The following RALGPS2 variants were observed in gnomAD, a reference collection of about 807,000 sequenced individuals.
RALGPS2 encodes Ral GEF with PH domain and SH3 binding motif 2.
In RALGPS2, 43 loss-of-function variants were observed where a neutral mutation model predicts 86.8. The observed-to-expected ratio is 0.50, with a 90% CI of 0.39 to 0.64. The LOEUF is 0.64. Among genes scored for constraint, RALGPS2 ranks in the 30% least tolerant of loss-of-function variants. The pLI, the probability that RALGPS2 is intolerant of heterozygous loss-of-function variation, is 0.00. For missense variants in RALGPS2, 536 were observed against 694.6 expected (o/e 0.77, Z 2.57); for synonymous variants, 243 against 231.3 (o/e 1.05, Z -0.46).
intron 4 of RALGPS2, among the ~76,000 whole-genome samples, chr1:178,788,823 CTTTTGT>C (rs1229146450): frequency 2.3e-5 from 3 of 128,378 alleles, no homozygotes; most frequent in Admixed American, 1.7e-4. Flanking sequence ...CTTTTCTTTT[CTTTTGT>C]TTTCTTTCTT....
intron 1 of RALGPS2, among the ~76,000 whole-genome samples, chr1:178,745,876 C>T (rs1651297435): frequency 7.6e-6 from 1 of 131,164 alleles, no homozygotes; most frequent in Admixed American, 9.3e-5. Context: ...AGGCTGGAGG[C>T]AGTGGTGTGA....
At position 178,797,656 on chromosome 1, in the gene RALGPS2, C is replaced by A. The variant is rs564721930; in HGVS notation, c.214-10389C>A. Among the ~76,000 whole-genome samples, 460 of 152,198 alleles carry A rather than the reference C, an allele frequency of 3.0e-3. 1 individual carries two copies. The highest frequency in any genetic ancestry group is 0.011 in the African/African-American group (454 of 41,536). On this transcript the variant is annotated intron_variant, in intron 4 of 19. Transcript: ENST00000367635. Reference sequence around the variant, plus strand: ...AGTTTTCCTCAGCAGTTACATCTTACATAACTATAGTACAATATCAAAACC... The same window carrying A: ...AGTTTTCCTCAGCAGTTACATCTTAAATAACTATAGTACAATATCAAAACC...
intron 8 of RALGPS2, among the ~76,000 whole-genome samples, chr1:178,839,242 A>C (rs1656452146): frequency 1.3e-5 from 2 of 152,214 alleles, no homozygotes; most frequent in South Asian, 4.1e-4. Context: ...GAAGGAAAAA[A>C]TGTTAAGGAC....
At chr1:178,788,841 C>CTTTCT (rs199644509) in intron 4 of RALGPS2, among the ~76,000 whole-genome samples, 5,178 of 132,402 alleles carry the variant, frequency 0.039, 148 homozygotes, top group Admixed American at 0.081. Context: ...TTCTTTCTTT[C>CTTTCT]TTTCTTTTCT....
intron 8 of RALGPS2, among the ~76,000 whole-genome samples, chr1:178,860,805 TA>T (rs1411099231): frequency 2.6e-5 from 4 of 152,220 alleles, no homozygotes; most frequent in African/African-American, 7.2e-5. Context: ...TAAAGTACAG[TA>T]ATAGGAATTT....
At chr1:178,825,333 G>A (rs1241951400) in intron 7 of RALGPS2, among the ~76,000 whole-genome samples, 2 of 152,100 alleles carry the variant, frequency 1.3e-5, no homozygotes, top group Non-Finnish European at 2.9e-5. Flanking sequence ...ACTAAGCCAA[G>A]TAAAAGGAGG....
intron 14 of RALGPS2, among the ~76,000 whole-genome samples, chr1:178,891,770 C>T (rs1659719938): frequency 6.6e-6 from 1 of 151,928 alleles, no homozygotes; most frequent in Admixed American, 6.6e-5. Flanking sequence ...AAGTTTTCCT[C>T]ATGAGTTTAC....
At chr1:178,862,635 TTGG>T (rs1370443891) in intron 8 of RALGPS2, among the ~76,000 whole-genome samples, 4 of 144,930 alleles carry the variant, frequency 2.8e-5, no homozygotes, top group African/African-American at 1.1e-4. Context: ...ATTTATTTGG[TTGG>T]TTGGTTGGTT....
At chr1:178,746,085 G>GT (rs1651312481) in intron 1 of RALGPS2, among the ~76,000 whole-genome samples, 1 of 152,058 alleles carries the variant, frequency 6.6e-6, no homozygotes, top group South Asian at 2.1e-4. Context: ...GACTCCCAAA[G>GT]TGCTGGTATT....
At chr1:178,859,250 G>A (rs1485860541) in intron 8 of RALGPS2, among the ~76,000 whole-genome samples, 1 of 151,894 alleles carries the variant, frequency 6.6e-6, no homozygotes, top group South Asian at 2.1e-4. Flanking sequence ...TTAAATGTTA[G>A]TATAAGTATT....
At chr1:178,864,217 AAGAG>A (rs1658224927) in intron 8 of RALGPS2, among the ~76,000 whole-genome samples, 2 of 152,204 alleles carry the variant, frequency 1.3e-5, no homozygotes, top group Non-Finnish European at 2.9e-5. Flanking sequence ...TGAATGCATG[AAGAG>A]AGAAAGAAAT....
chr1:178,901,347 C>T (rs1299492263), intron 17 of RALGPS2, among the ~76,000 whole-genome samples: 4 of 151,936 alleles, frequency 2.6e-5, no homozygotes, highest in African/African-American at 4.8e-5. Flanking sequence ...TGTTAATTGT[C>T]GCCTTGTTTT....
At chr1:178,765,224 G>A (rs1208443700) in intron 1 of RALGPS2, among the ~76,000 whole-genome samples, 6 of 151,412 alleles carry the variant, frequency 4.0e-5, no homozygotes, top group Non-Finnish European at 7.4e-5. Flanking sequence ...GTGCAGTATC[G>A]GGGGAATTTC....
intron 1 of RALGPS2, 38 bp from the exon 2 acceptor site, chr1:178,776,644 G>T: frequency 3.1e-6 from 2 of 644,318 alleles, no homozygotes; most frequent in Non-Finnish European, 4.9e-6. Flanking sequence ...CTTGAACTTC[G>T]AGGAAGACAT....
intron 8 of RALGPS2, among the ~76,000 whole-genome samples, chr1:178,856,198 G>GATATATATATATATATATATATATAT (rs1232946834): frequency 2.1e-5 from 1 of 47,266 alleles, no homozygotes; most frequent in African/African-American, 6.2e-5. Context: ...TCCAGAGAGA[G>GATATATATATATATATATATATATAT]AGAGATATAT....
At position 178,919,351 on chromosome 1, in the gene RALGPS2, T is replaced by C. The variant is rs577882616; in HGVS notation, c.*2992T>C. The C allele has an allele frequency of 6.6e-6, 1 of 152,198 alleles. No homozygotes were observed. Among genetic ancestry groups the C allele is most frequent in the South Asian group, 2.1e-4 (1 of 4,830 alleles). The allele number at this position is 152,198 out of a possible 1,614,324, so 9.4% of individuals were successfully genotyped here. ...TGTGTGGAAAATGCCATGTAACTAT[T>C]GCACTACCTTCTGTGTGGACTGTGT... On this transcript the variant is annotated 3_prime_UTR_variant, in exon 20 of 20. Coordinates refer to ENST00000367635, the MANE Select transcript of RALGPS2 (RefSeq NM_152663.5).
intron 8 of RALGPS2, among the ~76,000 whole-genome samples, chr1:178,846,571 G>A (rs1352788209): frequency 6.6e-6 from 1 of 151,898 alleles, no homozygotes; most frequent in Non-Finnish European, 1.5e-5. Flanking sequence ...TTGTTGATAT[G>A]TTTTCTGAAG....
intron 1 of RALGPS2, among the ~76,000 whole-genome samples, chr1:178,731,375 T>C (rs1021565987): frequency 1.5e-5 from 2 of 136,932 alleles, no homozygotes; most frequent in Non-Finnish European, 3.1e-5. Context: ...CTCCACCTCC[T>C]GGGTTCAAGT....
intron 6 of RALGPS2, 145 bp downstream of exon 6, chr1:178,811,549 G>T: frequency 1.8e-6 from 1 of 567,472 alleles, no homozygotes; most frequent in Non-Finnish European, 3.0e-6. Context: ...AAAATTGGAT[G>T]CCTACTTTCT....
Sources: gnomAD v4.1 joint callset for allele counts (sites outside exome capture counted in the v4.1 genomes callset) on GRCh38, gnomAD v4.1.1 for gene constraint, MANE v1.5 for transcripts, NCBI Gene and HGNC (gene_info 2026-07-23, HGNC 2026-07-21) for gene names.